Variants in THSD4 observed in about 807,000 individuals in gnomAD.
The protein encoded by THSD4 is thrombospondin type 1 domain containing 4.
Under a neutral mutation model 119.0 loss-of-function variants are expected in THSD4, and 69 were observed. The ratio of observed to expected loss-of-function variants is 0.58; its 90% CI spans 0.48 to 0.71. The LOEUF is 0.71. THSD4 is among the 30% of genes least tolerant of loss of function. The probability of loss-of-function intolerance (pLI) is 0.00; values close to 1 mark genes in which losing one functional copy is unlikely to be tolerated. For synonymous variants in THSD4, 524 were observed against 540.4 expected, an observed-to-expected ratio of 0.97 and a Z score of 0.42; for missense variants, 1,393 against 1,391.1, an observed-to-expected ratio of 1.00 and a Z score of -0.02.
chr15:71,740,180 T>C (rs918434106), intron 11 of THSD4, among the ~76,000 whole-genome samples: 1 of 152,212 alleles, frequency 6.6e-6, no homozygotes, highest in Non-Finnish European at 1.5e-5. Flanking sequence ...ACTTCTTTTA[T>C]ATACTTTGTG....
chr15:71,692,312 T>C (rs1051565685), intron 8 of THSD4, among the ~76,000 whole-genome samples: 1 of 152,242 alleles, frequency 6.6e-6, no homozygotes, highest in Non-Finnish European at 1.5e-5. Context: ...GTCATCTGGC[T>C]GGAACTATGA....
chr15:71,372,067 G>A (rs955296330), intron 6 of THSD4, among the ~76,000 whole-genome samples: 6 of 152,088 alleles, frequency 3.9e-5, no homozygotes, highest in East Asian at 3.8e-4. Context: ...CCAGTTGATC[G>A]AATTGGTTAC....
At chr15:71,097,411 A>G (rs1235013025) in intron 1 of THSD4, among the ~76,000 whole-genome samples, 1 of 152,048 alleles carries the variant, frequency 6.6e-6, no homozygotes, top group Non-Finnish European at 1.5e-5. Context: ...CAAAAAATAC[A>G]AAAATTAGCC....
intron 4 of THSD4, among the ~76,000 whole-genome samples, chr15:71,236,292 A>G (rs1445901476): frequency 6.6e-6 from 1 of 152,346 alleles, no homozygotes; most frequent in South Asian, 2.1e-4. Flanking sequence ...AAGCCCCCCT[A>G]TAGCTGCAGG....
intron 7 of THSD4, among the ~76,000 whole-genome samples, chr15:71,586,780 A>T (rs941847082): frequency 6.6e-6 from 1 of 152,234 alleles, no homozygotes; most frequent in African/African-American, 2.4e-5. Context: ...CAGCAGAAGC[A>T]GGAAATCTGG....
At chr15:71,467,179 A>G (rs1000721813) in intron 7 of THSD4, among the ~76,000 whole-genome samples, 6 of 152,218 alleles carry the variant, frequency 3.9e-5, no homozygotes, top group Non-Finnish European at 8.8e-5. Context: ...TCCACATGGC[A>G]TGAGTTAACT....
chr15:71,542,745 C>T (rs186714365), intron 7 of THSD4, among the ~76,000 whole-genome samples: 4 of 151,914 alleles, frequency 2.6e-5, no homozygotes, highest in Admixed American at 2.0e-4. Flanking sequence ...GGTATGGTGG[C>T]GGGCACTTGT....
intron 6 of THSD4, among the ~76,000 whole-genome samples, chr15:71,326,105 G>A (rs943692664): frequency 2.0e-5 from 3 of 152,170 alleles, no homozygotes; most frequent in East Asian, 1.9e-4. Flanking sequence ...GGTATAGCAC[G>A]AAGTAGATGG....
At chr15:71,658,107 C>T (rs1267110351) in intron 7 of THSD4, among the ~76,000 whole-genome samples, 1 of 152,162 alleles carries the variant, frequency 6.6e-6, no homozygotes, top group African/African-American at 2.4e-5. Context: ...TAGGTAAGGC[C>T]CGCTCCACAC....
intron 1 of THSD4, among the ~76,000 whole-genome samples, chr15:71,097,183 GA>G (rs972619498): frequency 1.3e-4 from 20 of 152,306 alleles, no homozygotes; most frequent in Admixed American, 6.5e-4. Context: ...AAAAGTTATT[GA>G]AACTATTCAA....
At chr15:71,636,389 C>T (rs1327796405) in intron 7 of THSD4, among the ~76,000 whole-genome samples, 2 of 152,062 alleles carry the variant, frequency 1.3e-5, no homozygotes, top group Non-Finnish European at 2.9e-5. Flanking sequence ...TGCCACTGCA[C>T]TCCAGCCTGG....
At chr15:71,520,848 CCT>C (rs764244324) in intron 7 of THSD4, among the ~76,000 whole-genome samples, 3 of 152,148 alleles carry the variant, frequency 2.0e-5, no homozygotes, top group Non-Finnish European at 4.4e-5. Flanking sequence ...GAGGTTATAG[CCT>C]CACTCTGCTG....
chr15:71,612,542 T>C (rs2050249852), intron 7 of THSD4, among the ~76,000 whole-genome samples: 1 of 152,210 alleles, frequency 6.6e-6, no homozygotes, highest in South Asian at 2.1e-4. Flanking sequence ...TTTTCTGGGC[T>C]GACACCCATG....
intron 8 of THSD4, among the ~76,000 whole-genome samples, chr15:71,700,463 C>T (rs1483015818): frequency 1.3e-5 from 2 of 152,066 alleles, no homozygotes; most frequent in African/African-American, 4.8e-5. Context: ...ATATTTCAGT[C>T]GAAGACAACT....
intron 7 of THSD4, among the ~76,000 whole-genome samples, chr15:71,518,570 T>A (rs2048394217): frequency 3.3e-5 from 5 of 152,218 alleles, no homozygotes; most frequent in Admixed American, 3.3e-4. Flanking sequence ...ACTATAATGA[T>A]GTTTTGAGTG....
At chr15:71,380,123 T>G (rs2046208290) in intron 6 of THSD4, among the ~76,000 whole-genome samples, 1 of 152,142 alleles carries the variant, frequency 6.6e-6, no homozygotes, top group African/African-American at 2.4e-5. Flanking sequence ...AGGTTTTCAT[T>G]TTTGTTTACG....
At chr15:71,717,414 T>TA (rs1211839936) in intron 8 of THSD4, among the ~76,000 whole-genome samples, 1 of 152,098 alleles carries the variant, frequency 6.6e-6, no homozygotes, top group African/African-American at 2.4e-5. Flanking sequence ...CACATTAGTG[T>TA]AGGTGCTTGT....
chr15:71,625,409 CAAAG>C (rs1435422910), intron 7 of THSD4, among the ~76,000 whole-genome samples: 3 of 152,104 alleles, frequency 2.0e-5, no homozygotes, highest in African/African-American at 7.2e-5. Context: ...GACTAAATCT[CAAAG>C]AAAGAGCTTC....
chr15:71,629,880 T>G (rs1223924175), intron 7 of THSD4, among the ~76,000 whole-genome samples: 1 of 152,208 alleles, frequency 6.6e-6, no homozygotes, highest in Non-Finnish European at 1.5e-5. Context: ...CGGGTTACTC[T>G]GGCTGTAAGG....
Sources: gnomAD v4.1 joint callset for allele counts (sites outside exome capture counted in the v4.1 genomes callset) on GRCh38, gnomAD v4.1.1 for gene constraint, MANE v1.5 for transcripts, NCBI Gene and HGNC (gene_info 2026-07-23, HGNC 2026-07-21) for gene names.